The following SCRN1 variants were observed in gnomAD, a reference collection of about 807,000 sequenced individuals.
The protein encoded by SCRN1 is secernin-1.
Under a neutral mutation model 43.3 loss-of-function variants are expected in SCRN1, and 19 were observed. The observed-to-expected ratio is 0.44, with a 90% CI of 0.31 to 0.64. The LOEUF (loss-of-function observed/expected upper bound fraction) is 0.64, where lower values mean the gene tolerates loss of function less well. SCRN1 is among the 30% of genes least tolerant of loss of function. SCRN1 has a pLI of 0.09. For synonymous variants in SCRN1, 183 were observed against 188.9 expected (o/e 0.97, Z 0.26); for missense variants, 447 against 524.1 (o/e 0.85, Z 1.44).
Position 29,921,961 on chromosome 7 carries a change from T to G in SCRN1, c.*1996A>C, listed in dbSNP as rs1562797188. Reference sequence around the variant, plus strand: ...AGTGAGATTTTAGAGCAGCTTTCTGTATCATCTTGCTTTACATAGCCACTT... The same window carrying G: ...AGTGAGATTTTAGAGCAGCTTTCTGGATCATCTTGCTTTACATAGCCACTT... On this transcript the variant is annotated 3_prime_UTR_variant, in exon 8 of 8. Coordinates refer to ENST00000242059, the MANE Select transcript of SCRN1 (RefSeq NM_014766.5). 1 of 152,198 alleles carries G rather than the reference T, an allele frequency of 6.6e-6. No individual in the cohort carries two copies. The highest frequency in any genetic ancestry group is 2.4e-5 in the African/African-American group (1 of 41,442). 9.4% of individuals were successfully genotyped at this position (152,198 alleles called of 1,614,324 possible).
chr7:29,926,728 A>C, intron 6 of SCRN1, 96 bp from the exon 7 acceptor site: 2 of 1,048,316 alleles, frequency 1.9e-6, no homozygotes, highest in Non-Finnish European at 2.7e-6. Context: ...TCCCAAGCCA[A>C]CTTATGGTGG....
intron 2 of SCRN1, among the ~76,000 whole-genome samples, chr7:29,962,071 C>G (rs1205568840): frequency 6.6e-6 from 1 of 151,588 alleles, no homozygotes; most frequent in Non-Finnish European, 1.5e-5. Flanking sequence ...CCCTAGAAAC[C>G]TCATACTTGA....
chr7:29,951,434 C>A (rs899689064), intron 3 of SCRN1, among the ~76,000 whole-genome samples: 4 of 152,168 alleles, frequency 2.6e-5, no homozygotes, highest in Non-Finnish European at 5.9e-5. Flanking sequence ...GCAGCCCGAC[C>A]AAAACTCAGG....
At position 29,952,465 on chromosome 7, in the gene SCRN1, G is replaced by A. The variant is rs1484264640; in HGVS notation, c.341+2714C>T. 4.6e-5 allele frequency among the ~76,000 whole-genome samples: 7 copies of A among 152,276 alleles called. No individual in the cohort carries two copies. The East Asian group carries it at 7.7e-4, about 17-fold the overall frequency. ...AGCACTCTGAGAGGCTGAGGCAGGCGGATCACTTGAGGTCAGAAGTTCGAG... is the reference window on the plus strand; with the variant it reads ...AGCACTCTGAGAGGCTGAGGCAGGCAGATCACTTGAGGTCAGAAGTTCGAG... On this transcript the variant is annotated intron_variant, in intron 3 of 7. Coordinates refer to ENST00000242059, the MANE Select transcript of SCRN1 (RefSeq NM_014766.5).
chr7:29,964,036 A>G (rs1788411845), intron 2 of SCRN1, among the ~76,000 whole-genome samples: 2 of 152,250 alleles, frequency 1.3e-5, no homozygotes, highest in Non-Finnish European at 2.9e-5. Flanking sequence ...CATGAAATTA[A>G]TAAGAGTTAT....
intron 4 of SCRN1, 56 bp downstream of exon 4, chr7:29,943,921 C>T: frequency 6.6e-7 from 1 of 1,512,990 alleles, no homozygotes; most frequent in Non-Finnish European, 9.2e-7. Flanking sequence ...TGCAGGCCAC[C>T]CCATCTCTGT....
At chr7:29,931,272 C>G (rs146101723) in intron 6 of SCRN1, among the ~76,000 whole-genome samples, 269 of 152,362 alleles carry the variant, frequency 1.8e-3, no homozygotes, top group African/African-American at 5.8e-3. Flanking sequence ...CTCAAAGCAT[C>G]TGCATTCAAT....
intron 7 of SCRN1, among the ~76,000 whole-genome samples, chr7:29,925,201 A>C: frequency 6.6e-6 from 1 of 152,112 alleles, no homozygotes. Context: ...GCTGGCAGGG[A>C]GGAGAGATGT....
intron 1 of SCRN1, among the ~76,000 whole-genome samples, chr7:29,971,724 A>G (rs1788671417): frequency 1.3e-5 from 2 of 152,194 alleles, no homozygotes; most frequent in Admixed American, 6.5e-5. Flanking sequence ...ATCAAAATCT[A>G]CTTGCCTCAT....
At chr7:29,938,732 C>T (rs1347763935) in intron 5 of SCRN1, among the ~76,000 whole-genome samples, 1 of 152,194 alleles carries the variant, frequency 6.6e-6, no homozygotes, top group Non-Finnish European at 1.5e-5. Flanking sequence ...TTTAGTTAAT[C>T]TATAACCTAT....
In SCRN1 at chr7:29,987,773, G is replaced by A. The variant is rs193180051; in HGVS notation, c.-2+1869C>T. Among the ~76,000 whole-genome samples, 26 of 152,300 alleles carry A rather than the reference G, an allele frequency of 1.7e-4. No individual in the cohort carries two copies. In the East Asian group the frequency reaches 4.8e-3, roughly 28 times the overall value. ...CTCTAAAAGGTAGCATGTGGAACCC[G>A]GGGGAGTTATGAGACCTGGATTTGG... is the stretch of plus-strand genomic sequence containing the variant. On this transcript the variant is annotated intron_variant, in intron 1 of 7. Coordinates refer to ENST00000242059, the MANE Select transcript of SCRN1 (RefSeq NM_014766.5).
chr7:29,973,133 A>G (rs1322974464), intron 1 of SCRN1, among the ~76,000 whole-genome samples: 1 of 152,214 alleles, frequency 6.6e-6, no homozygotes, highest in African/African-American at 2.4e-5. Flanking sequence ...GGAAGACTGA[A>G]GAAAACAAAC....
chr7:29,943,917 CCA>C lies in SCRN1; in HGVS notation c.544+58_544+59del, dbSNP rs1413761317. On this transcript the variant is annotated intron_variant, in intron 4 of 7. Transcript: ENST00000242059. ...CCAGGTCTGACACTGTACGTGCAGG[CCA>C]CCCCATCTCTGTGGCCTTCCCTGTC... The C allele has an allele frequency of 2.0e-6, 3 of 1,516,876 alleles. No individual in the cohort carries two copies. In the East Asian group the frequency reaches 6.8e-5, roughly 34 times the overall value. 94.0% of individuals were successfully genotyped at this position (1,516,876 alleles called of 1,614,324 possible).
intron 3 of SCRN1, among the ~76,000 whole-genome samples, chr7:29,946,405 T>C (rs1787740005): frequency 6.6e-6 from 1 of 152,238 alleles, no homozygotes; most frequent in Non-Finnish European, 1.5e-5. Context: ...CTGGTCACAA[T>C]GCCTCATACA....
At chr7:29,946,707 CTATCCCTTGTGCCAGGACCATGG>C (rs1183761427) in intron 3 of SCRN1, among the ~76,000 whole-genome samples, 3 of 152,186 alleles carry the variant, frequency 2.0e-5, no homozygotes, top group African/African-American at 7.2e-5. Context: ...TTTCACCCTC[CTATCCCTTGTGCCAGGACCATGG>C]GTCAGAGATA....
chr7:29,941,991 G>A (rs962967276), intron 4 of SCRN1, among the ~76,000 whole-genome samples: 2 of 152,214 alleles, frequency 1.3e-5, no homozygotes, highest in Admixed American at 1.3e-4. Flanking sequence ...GCTGGACTAA[G>A]TTCTTTCAGT....
At chr7:29,931,075 C>T (rs775276898) in intron 6 of SCRN1, among the ~76,000 whole-genome samples, 2 of 152,210 alleles carry the variant, frequency 1.3e-5, no homozygotes, top group Admixed American at 6.5e-5. Context: ...CAATTTGAGG[C>T]ACAGCCAAGA....
Position 29,946,574 on chromosome 7 carries a change from G to A in SCRN1, c.342-2395C>T, listed in dbSNP as rs184226743. Among the ~76,000 whole-genome samples the A allele has an allele frequency of 3.5e-4, 54 of 152,330 alleles. 1 individual carries two copies. Among genetic ancestry groups the A allele is most frequent in the Middle Eastern group, 3.4e-3 (1 of 294 alleles). On this transcript the variant is annotated intron_variant, in intron 3 of 7. Coordinates refer to ENST00000242059, the MANE Select transcript of SCRN1 (RefSeq NM_014766.5). ...TTGATTTCCAGTGTACTCTTCTGAT[G>A]TTCTGCCTGTTTGCATTCCACACTG...
intron 3 of SCRN1, among the ~76,000 whole-genome samples, chr7:29,947,910 C>T (rs530936120): frequency 6.6e-6 from 1 of 152,332 alleles, no homozygotes; most frequent in East Asian, 1.9e-4. Flanking sequence ...GTCTGCAAAC[C>T]AGCAAGCAGG....
Sources: gnomAD v4.1 joint callset for allele counts (sites outside exome capture counted in the v4.1 genomes callset) on GRCh38, gnomAD v4.1.1 for gene constraint, MANE v1.5 for transcripts, NCBI Gene and HGNC (gene_info 2026-07-23, HGNC 2026-07-21) for gene names.